KIZ: variants seen among roughly 807,000 people sequenced by gnomAD.
KIZ encodes the protein kizuna centrosomal protein.
Under a neutral mutation model 79.6 loss-of-function variants are expected in KIZ, and 68 were observed. That is an observed-to-expected ratio of 0.85 (90% CI 0.70 to 1.05). The LOEUF is 1.05. Ranked by LOEUF, KIZ falls within the 50% of genes least tolerant of loss-of-function variation. The pLI is 0.00. For missense variants in KIZ, 797 were observed against 800.4 expected, an observed-to-expected ratio of 1.00 and a Z score of 0.05; for synonymous variants, 280 against 281.8, an observed-to-expected ratio of 0.99 and a Z score of 0.06.
intron 6 of KIZ, among the ~76,000 whole-genome samples, chr20:21,168,372 C>G (rs983555594): frequency 7.2e-5 from 11 of 152,148 alleles, no homozygotes; most frequent in Admixed American, 5.9e-4. Context: ...TTCCAACTTA[C>G]AAGAGATGTG....
chr20:21,205,659 A>T (rs1398899396), intron 7 of KIZ, 75 bp downstream of exon 7: 83 of 57,074 alleles, frequency 1.5e-3, no homozygotes, highest in South Asian at 2.4e-3. Flanking sequence ...ATTTTTATTT[A>T]AAAAAAAAAA....
chr20:21,214,191 C>T (rs949179953), intron 7 of KIZ, among the ~76,000 whole-genome samples: 1 of 152,136 alleles, frequency 6.6e-6, no homozygotes, highest in African/African-American at 2.4e-5. Flanking sequence ...GTCTGAGGCT[C>T]TACCTTTTGT....
At chr20:21,141,682 G>A (rs115369364) in intron 3 of KIZ, among the ~76,000 whole-genome samples, 22 of 152,146 alleles carry the variant, frequency 1.4e-4, no homozygotes, top group African/African-American at 5.3e-4. Context: ...AGGCACAAGA[G>A]TCTTCATCTG....
intron 11 of KIZ, among the ~76,000 whole-genome samples, chr20:21,240,539 C>T (rs2037178467): frequency 6.6e-6 from 1 of 152,214 alleles, no homozygotes; most frequent in Non-Finnish European, 1.5e-5. Context: ...CAGTTGTAAA[C>T]TTCTAGGGAA....
intron 9 of KIZ, among the ~76,000 whole-genome samples, chr20:21,217,887 A>C (rs2036359134): frequency 6.6e-6 from 1 of 152,146 alleles, no homozygotes; most frequent in Admixed American, 6.5e-5. Context: ...AGAAGAACAT[A>C]AGTAGAGAGA....
chr20:21,193,380 C>G (rs2035198729), intron 6 of KIZ, among the ~76,000 whole-genome samples: 1 of 152,036 alleles, frequency 6.6e-6, no homozygotes, highest in Admixed American at 6.5e-5. Flanking sequence ...TCATTTTTGC[C>G]AAGAAGTAAT....
chr20:21,159,187 A>G (rs1313775983), intron 4 of KIZ, among the ~76,000 whole-genome samples: 2 of 151,394 alleles, frequency 1.3e-5, no homozygotes. Flanking sequence ...AATTTTTTTT[A>G]ATTTTTAATT....
At chr20:21,192,279 ATTTTTTT>A (rs1260846529) in intron 6 of KIZ, among the ~76,000 whole-genome samples, 4 of 91,094 alleles carry the variant, frequency 4.4e-5, no homozygotes, top group South Asian at 3.9e-4. Context: ...TCATTTCTGG[ATTTTTTT>A]TTTTTTTTTT....
At chr20:21,209,962 T>G (rs1029830317) in intron 7 of KIZ, among the ~76,000 whole-genome samples, 1 of 152,190 alleles carries the variant, frequency 6.6e-6, no homozygotes, top group Non-Finnish European at 1.5e-5. Flanking sequence ...CTTGAAATAG[T>G]AAGATAAAAA....
intron 3 of KIZ, among the ~76,000 whole-genome samples, chr20:21,137,706 G>A (rs887221176): frequency 6.6e-6 from 1 of 151,836 alleles, no homozygotes; most frequent in Non-Finnish European, 1.5e-5. Context: ...ACTTGAGCGT[G>A]GATCTCCTAA....
At chr20:21,200,212 T>C (rs1212260162) in intron 6 of KIZ, among the ~76,000 whole-genome samples, 2 of 152,112 alleles carry the variant, frequency 1.3e-5, no homozygotes, top group African/African-American at 4.8e-5. Context: ...CTCACATCTG[T>C]CTCTTTAATC....
intron 7 of KIZ, 72 bp downstream of exon 7, chr20:21,205,656 T>C: frequency 3.2e-6 from 2 of 622,744 alleles, no homozygotes. Context: ...GTAATTTTTA[T>C]TTAAAAAAAA....
chr20:21,168,261 T>TA (rs2034042036), intron 6 of KIZ, among the ~76,000 whole-genome samples: 1 of 152,216 alleles, frequency 6.6e-6, no homozygotes, highest in Non-Finnish European at 1.5e-5. Context: ...CATCATTTTT[T>TA]ATGGCTGCAT....
At chr20:21,135,171 T>C (rs970652030) in intron 2 of KIZ, among the ~76,000 whole-genome samples, 5 of 152,190 alleles carry the variant, frequency 3.3e-5, no homozygotes, top group Non-Finnish European at 7.3e-5. Flanking sequence ...GATAATTGCA[T>C]GGGTAGATGA....
At chr20:21,141,012 A>C (rs1411321462) in intron 3 of KIZ, among the ~76,000 whole-genome samples, 4 of 151,980 alleles carry the variant, frequency 2.6e-5, no homozygotes, top group African/African-American at 9.7e-5. Context: ...GCTCTCCAAA[A>C]AAAATTAATA....
chr20:21,145,608 A>G lies in KIZ; in HGVS notation c.359A>G (p.Asp120Gly). 1 of 1,530,806 alleles carries G rather than the reference A, an allele frequency of 6.5e-7. No homozygotes were observed. The highest frequency in any genetic ancestry group is 8.8e-7 in the Non-Finnish European group (1 of 1,132,424). The allele number at this position is 1,530,806 out of a possible 1,614,324, so 94.8% of individuals were successfully genotyped here. ...ATTAAGAAGATGCTATGCTCAAAAG[A>G]TAGCCTGGGACTAAAAGAGGAACTG... ...TQIKKMLCSK[D>G]SLGLKEELTD... The change falls in exon 4 of 13, where the codon GAT becomes GGT. Residue 120 changes from aspartate (D) to glycine (G), a missense_variant. Asp to Gly is a moderately conservative substitution (Grantham distance 94). Coordinates refer to ENST00000619189, the MANE Select transcript of KIZ (RefSeq NM_018474.6).
intron 2 of KIZ, among the ~76,000 whole-genome samples, chr20:21,134,104 C>T (rs953757812): frequency 2.0e-5 from 3 of 152,104 alleles, no homozygotes; most frequent in Non-Finnish European, 4.4e-5. Flanking sequence ...GCGGCTGTGG[C>T]GACTGTGGCG....
chr20:21,170,695 A>G (rs1170399969), intron 6 of KIZ, among the ~76,000 whole-genome samples: 3 of 151,988 alleles, frequency 2.0e-5, no homozygotes, highest in Non-Finnish European at 2.9e-5. Flanking sequence ...GCCATCAAAT[A>G]CTAGATCTTA....
chr20:21,235,372 A>T (rs1242993408), intron 11 of KIZ, among the ~76,000 whole-genome samples: 1 of 152,216 alleles, frequency 6.6e-6, no homozygotes. Flanking sequence ...ATTATTAAAG[A>T]TTCTTTCAGT....
Sources: allele counts gnomAD v4.1 joint callset (sites outside exome capture counted in the v4.1 genomes callset), GRCh38; gene constraint gnomAD v4.1.1; transcripts MANE v1.5; gene names NCBI Gene and HGNC (gene_info 2026-07-23, HGNC 2026-07-21).